The following NXPH1 variants were observed in gnomAD, a reference collection of about 807,000 sequenced individuals.
NXPH1 encodes the protein neurexophilin-1.
A neutral mutation model predicts 23.7 loss-of-function variants in NXPH1; 5 were observed. That is an observed-to-expected ratio of 0.21 (90% CI 0.11 to 0.44). The LOEUF (loss-of-function observed/expected upper bound fraction) is 0.44, where lower values mean the gene tolerates loss of function less well. Ranked by LOEUF, NXPH1 falls within the 20% of genes least tolerant of loss-of-function variation. The probability of loss-of-function intolerance (pLI) is 0.99; values close to 1 mark genes in which losing one functional copy is unlikely to be tolerated. For missense variants in NXPH1, 324 were observed against 321.6 expected (o/e 1.01, Z -0.06); for synonymous variants, 144 against 122.2 (o/e 1.18, Z -1.18).
chr7:8,515,280 A>G (rs761954533), intron 2 of NXPH1, among the ~76,000 whole-genome samples: 1 of 152,092 alleles, frequency 6.6e-6, no homozygotes, highest in East Asian at 1.9e-4. Flanking sequence ...GTTCTGCAGC[A>G]TGTCCACCAG....
intron 2 of NXPH1, among the ~76,000 whole-genome samples, chr7:8,466,562 C>G (rs1007339140): frequency 3.9e-5 from 6 of 152,102 alleles, no homozygotes; most frequent in Non-Finnish European, 8.8e-5. Flanking sequence ...TCTTTAGCCT[C>G]ACACCTAGAT....
At chr7:8,630,749 T>C (rs1168780965) in intron 2 of NXPH1, among the ~76,000 whole-genome samples, 2 of 152,168 alleles carry the variant, frequency 1.3e-5, no homozygotes, top group African/African-American at 4.8e-5. Flanking sequence ...TGTTTGAAAT[T>C]ACAAATGCTG....
At chr7:8,675,285 A>T (rs571432203) in intron 2 of NXPH1, among the ~76,000 whole-genome samples, 1 of 151,832 alleles carries the variant, frequency 6.6e-6, no homozygotes, top group Non-Finnish European at 1.5e-5. Flanking sequence ...GTAATGTAAC[A>T]TCTGTTTAAT....
chr7:8,675,726 G>A (rs1374677719), intron 2 of NXPH1, among the ~76,000 whole-genome samples: 1 of 152,138 alleles, frequency 6.6e-6, no homozygotes, highest in Non-Finnish European at 1.5e-5. Flanking sequence ...GGTTATCCAG[G>A]TAAACGTGGA....
intron 2 of NXPH1, among the ~76,000 whole-genome samples, chr7:8,456,207 TAA>T (rs1446670549): frequency 6.6e-6 from 1 of 152,202 alleles, no homozygotes; most frequent in Non-Finnish European, 1.5e-5. Flanking sequence ...TACATAAAGT[TAA>T]AGTCTAATAT....
chr7:8,737,166 T>C (rs1780275558), intron 2 of NXPH1, among the ~76,000 whole-genome samples: 1 of 152,298 alleles, frequency 6.6e-6, no homozygotes, highest in East Asian at 1.9e-4. Context: ...AATTTGATCA[T>C]GTCAGTATGA....
chr7:8,571,431 G>C (rs1818645478), intron 2 of NXPH1, among the ~76,000 whole-genome samples: 3 of 151,746 alleles, frequency 2.0e-5, no homozygotes, highest in African/African-American at 7.3e-5. Flanking sequence ...AATTTGGGGG[G>C]AACAGAGGTG....
intron 2 of NXPH1, among the ~76,000 whole-genome samples, chr7:8,469,327 A>G (rs1816832909): frequency 6.6e-6 from 1 of 152,098 alleles, no homozygotes; most frequent in Non-Finnish European, 1.5e-5. Context: ...TAATAGTCAC[A>G]TGAACATTAA....
At chr7:8,643,335 AT>A (rs1049969145) in intron 2 of NXPH1, among the ~76,000 whole-genome samples, 2 of 152,126 alleles carry the variant, frequency 1.3e-5, no homozygotes, top group African/African-American at 4.8e-5. Flanking sequence ...TCTTTGGAAA[AT>A]TGATTTGAGG....
At chr7:8,623,337 G>T (rs553150743) in intron 2 of NXPH1, among the ~76,000 whole-genome samples, 4 of 152,158 alleles carry the variant, frequency 2.6e-5, no homozygotes, top group African/African-American at 9.6e-5. Flanking sequence ...CAAAGTGATT[G>T]GAACAGGTCA....
chr7:8,640,267 G>T (rs975828455), intron 2 of NXPH1, among the ~76,000 whole-genome samples: 4 of 151,844 alleles, frequency 2.6e-5, no homozygotes, highest in African/African-American at 9.7e-5. Context: ...TTTAAAAAAT[G>T]TTTAGTGATT....
chr7:8,436,454 T>A (rs1730347813), intron 2 of NXPH1, among the ~76,000 whole-genome samples: 1 of 152,188 alleles, frequency 6.6e-6, no homozygotes, highest in African/African-American at 2.4e-5. Flanking sequence ...GGGAGAGAAT[T>A]CTAAACAAAG....
chr7:8,721,253 T>G lies in NXPH1; in HGVS notation c.55-29755T>G, dbSNP rs983060063. On this transcript the variant is annotated intron_variant, in intron 2 of 2. Transcript: ENST00000405863. Reference sequence around the variant, plus strand: ...ATTTATACACACATACATACATATATGCATAAATATGAGAGAGAGTAAGAC... The same window carrying G: ...ATTTATACACACATACATACATATAGGCATAAATATGAGAGAGAGTAAGAC... Among the ~76,000 whole-genome samples, 34 of 152,186 alleles carry G rather than the reference T, an allele frequency of 2.2e-4. 1 individual carries two copies. Among genetic ancestry groups the G allele is most frequent in the African/African-American group, 7.2e-4 (30 of 41,538 alleles).
chr7:8,464,216 C>G (rs1816741171), intron 2 of NXPH1, among the ~76,000 whole-genome samples: 1 of 152,138 alleles, frequency 6.6e-6, no homozygotes, highest in African/African-American at 2.4e-5. Context: ...TTAGCCATCC[C>G]TAGACATCTT....
intron 2 of NXPH1, among the ~76,000 whole-genome samples, chr7:8,546,960 A>T (rs1226728576): frequency 6.6e-6 from 1 of 151,430 alleles, no homozygotes; most frequent in African/African-American, 2.4e-5. Context: ...CTGTGAGATG[A>T]TACTGGCCTT....
intron 2 of NXPH1, among the ~76,000 whole-genome samples, chr7:8,653,864 T>C (rs1228074475): frequency 1.3e-5 from 2 of 152,232 alleles, no homozygotes; most frequent in African/African-American, 2.4e-5. Context: ...AATACATAGC[T>C]GACTATTTTC....
chr7:8,471,334 A>T (rs12667662), intron 2 of NXPH1, among the ~76,000 whole-genome samples: 2 of 152,166 alleles, frequency 1.3e-5, no homozygotes, highest in South Asian at 4.1e-4. Context: ...GGATTTGTGA[A>T]GAGTAAAAAC....
At chr7:8,668,264 T>A (rs1006446665) in intron 2 of NXPH1, among the ~76,000 whole-genome samples, 6 of 84,648 alleles carry the variant, frequency 7.1e-5, no homozygotes, top group African/African-American at 2.0e-4. Context: ...TTGTTTTTTT[T>A]TTTTTATTTT....
intron 2 of NXPH1, among the ~76,000 whole-genome samples, chr7:8,465,030 G>A (rs1357226248): frequency 2.0e-5 from 3 of 152,162 alleles, no homozygotes; most frequent in African/African-American, 7.2e-5. Flanking sequence ...AAGGAGACAC[G>A]AAGACCTATT....
Sources: allele counts gnomAD v4.1 joint callset (sites outside exome capture counted in the v4.1 genomes callset), GRCh38; gene constraint gnomAD v4.1.1; transcripts MANE v1.5; gene names NCBI Gene and HGNC (gene_info 2026-07-23, HGNC 2026-07-21).